ILDR2: variants seen among roughly 807,000 people sequenced by gnomAD.
ILDR2 encodes immunoglobulin like domain containing receptor 2, also known as immunoglobulin-like domain-containing receptor 2.
A neutral mutation model predicts 66.8 loss-of-function variants in ILDR2; 25 were observed. That is an observed-to-expected ratio of 0.37 (90% CI 0.27 to 0.52). The LOEUF (loss-of-function observed/expected upper bound fraction) is 0.52, where lower values mean the gene tolerates loss of function less well. ILDR2 is among the 20% of genes least tolerant of loss of function. ILDR2 has a pLI of 0.88. For synonymous variants in ILDR2, 367 were observed against 357.2 expected (o/e 1.03, Z -0.31); for missense variants, 827 against 876.8 (o/e 0.94, Z 0.72).
chr1:166,949,572 G>A (rs189799895), intron 3 of ILDR2, among the ~76,000 whole-genome samples: 1 of 152,330 alleles, frequency 6.6e-6, no homozygotes, highest in Non-Finnish European at 1.5e-5. Flanking sequence ...GCAAGGTTGA[G>A]ATTATGGAGT....
chr1:166,953,559 T>C (rs934269591), intron 3 of ILDR2, among the ~76,000 whole-genome samples: 11 of 152,212 alleles, frequency 7.2e-5, no homozygotes, highest in Non-Finnish European at 1.6e-4. Flanking sequence ...CCACCATCAA[T>C]AGTTTTTTTC....
intron 1 of ILDR2, among the ~76,000 whole-genome samples, chr1:166,965,584 T>TG (rs1455885326): frequency 2.0e-5 from 3 of 148,964 alleles, no homozygotes; most frequent in African/African-American, 7.5e-5. Flanking sequence ...TTTTTTTTGT[T>TG]TTTTTTTTGA....
chr1:166,909,767 ATAAATATATATATT>A lies in ILDR2; in HGVS notation c.*9574_*9587del, dbSNP rs1357158629. On this transcript the variant is annotated 3_prime_UTR_variant, in exon 10 of 10. Coordinates refer to ENST00000271417, the MANE Select transcript of ILDR2 (RefSeq NM_199351.3). Reference sequence around the variant, plus strand: ...TATATATATATATATATAAATATATATAAATATATATATTTATATATATATATATATATATATAT... The same window carrying A: ...TATATATATATATATATAAATATATATATATATATATATATATATATATAT... The A allele has an allele frequency of 1.6e-4, 11 of 68,622 alleles. No individual in the cohort carries two copies. The highest frequency in any genetic ancestry group is 8.2e-3 in the Middle Eastern group (1 of 122). The allele number at this position is 68,622 out of a possible 1,614,324, so 4.3% of individuals were successfully genotyped here. A position where few individuals can be genotyped will look rare whatever the true frequency, so the allele number is the denominator to read the frequency against.
Position 166,936,561 on chromosome 1 carries a change from C to A in ILDR2, c.703+30G>T. On this transcript the variant is annotated intron_variant, in intron 5 of 9. Coordinates refer to ENST00000271417, the MANE Select transcript of ILDR2 (RefSeq NM_199351.3). This position sits in a 1 kb window ranked among gnomAD's most constrained non-coding sequence, Gnocchi z 5.0. ...GAGAGGTAGACATTTCTCTCGATCG[C>A]TCTGTCTCCCCAGCGGTCACTGTAC... The A allele has an allele frequency of 6.2e-7, 1 of 1,613,984 alleles. No homozygotes were observed. The highest frequency in any genetic ancestry group is 1.1e-5 in the South Asian group (1 of 91,044).
intron 2 of ILDR2, among the ~76,000 whole-genome samples, chr1:166,897,004 T>C (rs1571253522): frequency 6.6e-6 from 1 of 152,216 alleles, no homozygotes; most frequent in African/African-American, 2.4e-5. Flanking sequence ...TACATTATGT[T>C]TCTATTGCAC....
intron 1 of ILDR2, among the ~76,000 whole-genome samples, chr1:166,974,615 A>G (rs1442767432): frequency 6.6e-6 from 1 of 152,138 alleles, no homozygotes; most frequent in East Asian, 1.9e-4. Flanking sequence ...CCACTCCCCA[A>G]ATGATACCAA....
At position 166,939,530 on chromosome 1, in the gene ILDR2, A is replaced by G. The variant is rs757282127; in HGVS notation, c.540T>C (p.Ala180=). 3.1e-6 allele frequency: 5 copies of G among 1,613,964 alleles called. No homozygotes were observed. In the South Asian group the frequency reaches 5.5e-5, roughly 18 times the overall value. ...ACCGAATACCTGGCATAATCTCCAC[A>G]GCAAAACTGGGCAAGAGATCAGCAA... ...GLLADLLPSF[A]VEIMPEWVFV... Residue 180 remains alanine, a synonymous_variant, in exon 4 of 10, where the codon GCT becomes GCC. Coordinates refer to ENST00000271417, the MANE Select transcript of ILDR2 (RefSeq NM_199351.3).
At chr1:166,935,214 AT>A (rs1249142726) in intron 6 of ILDR2, 86 bp downstream of exon 6, 26 of 1,296,554 alleles carry the variant, frequency 2.0e-5, no homozygotes, top group Non-Finnish European at 2.8e-5. Flanking sequence ...CCAAAGACAC[AT>A]CACTGAACTG....
intron 9 of ILDR2, among the ~76,000 whole-genome samples, chr1:166,920,139 C>T (rs775223123): frequency 1.3e-5 from 2 of 152,198 alleles, no homozygotes; most frequent in Non-Finnish European, 2.9e-5. Flanking sequence ...ATTTCCTTCA[C>T]ATATACGGGC....
At position 166,914,519 on chromosome 1, in the gene ILDR2, A is replaced by G. The variant is rs1659570131; in HGVS notation, c.*4836T>C. The G allele has an allele frequency of 6.6e-6, 1 of 152,264 alleles. No individual in the cohort carries two copies. The highest frequency in any genetic ancestry group is 1.5e-5 in the Non-Finnish European group (1 of 68,046). 9.4% of individuals were successfully genotyped at this position (152,264 alleles called of 1,614,324 possible). A position where few individuals can be genotyped will look rare whatever the true frequency, so the allele number is the denominator to read the frequency against. ...ACAACATCTGCCCTGCCTCTATCAC[A>G]GCAGTTGATGTTGGGATCAAATGAA... On this transcript the variant is annotated 3_prime_UTR_variant, in exon 10 of 10. Transcript: ENST00000271417.
At chr1:166,928,725 C>T (rs1328902254) in intron 6 of ILDR2, among the ~76,000 whole-genome samples, 3 of 152,186 alleles carry the variant, frequency 2.0e-5, no homozygotes, top group Non-Finnish European at 4.4e-5. Flanking sequence ...GTAGTCCAAG[C>T]ACTAAAAACA....
At chr1:166,947,501 C>A (rs1157786245) in intron 3 of ILDR2, among the ~76,000 whole-genome samples, 1 of 152,234 alleles carries the variant, frequency 6.6e-6, no homozygotes, top group Non-Finnish European at 1.5e-5. Context: ...GGAGGCACAG[C>A]CCCCGTGTGA....
In ILDR2 at chr1:166,963,257, G is replaced by A. The variant is rs187110802; in HGVS notation, c.47-5156C>T. ...CTATTTCTGCTACTAGAAAATAGCT[G>A]TAAAATGCTTACTGTGTGTCAGGGA... On this transcript the variant is annotated intron_variant, in intron 1 of 9. Coordinates refer to ENST00000271417, the MANE Select transcript of ILDR2 (RefSeq NM_199351.3). Among the ~76,000 whole-genome samples the A allele has an allele frequency of 3.3e-5, 5 of 152,292 alleles. No homozygotes were observed. The East Asian group carries it at 7.7e-4, about 23-fold the overall frequency.
At chr1:166,973,223 G>A (rs1315004866) in intron 1 of ILDR2, among the ~76,000 whole-genome samples, 1 of 152,124 alleles carries the variant, frequency 6.6e-6, no homozygotes, top group African/African-American at 2.4e-5. Flanking sequence ...CCAGGTGCAG[G>A]TGGCAGAAGG....
chr1:166,932,651 C>T (rs1222860735), intron 6 of ILDR2, among the ~76,000 whole-genome samples: 2 of 152,080 alleles, frequency 1.3e-5, no homozygotes, highest in African/African-American at 4.8e-5. Flanking sequence ...AAGTAGCTGC[C>T]TTGAAGAATG....
In ILDR2 at chr1:166,936,608, C is replaced by T; in HGVS notation, c.686G>A (p.Cys229Tyr). 6.2e-7 allele frequency: 1 copy of T among 1,614,086 alleles called. No individual in the cohort carries two copies. The change falls in exon 5 of 10, where the codon TGC (cysteine) becomes TAC (tyrosine). Residue 229 changes from cysteine (C) to tyrosine (Y), a missense_variant. Coordinates refer to ENST00000271417, the MANE Select transcript of ILDR2 (RefSeq NM_199351.3). The surrounding 1 kb of genome is among the most constrained non-coding windows in gnomAD (Gnocchi z 5.0). ...GTACTCACAGGCTTGAGGGCAGCAG[C>T]AGGAATCTGGGCAGCATGGGCAGCG... ...YVRCPCCPDS[C>Y]CCPQALYEAG...
In ILDR2 at chr1:166,911,379, G is replaced by T. The variant is rs1659469829; in HGVS notation, c.*7976C>A. On this transcript the variant is annotated 3_prime_UTR_variant, in exon 10 of 10. Coordinates refer to ENST00000271417, the MANE Select transcript of ILDR2 (RefSeq NM_199351.3). ...ATTCACTCTTCCTGGCTTCCCCAGGGTTGCTGTGTATATATAGAGTCATTA... is the reference window on the plus strand; with the variant it reads ...ATTCACTCTTCCTGGCTTCCCCAGGTTTGCTGTGTATATATAGAGTCATTA... 2.0e-5 allele frequency: 3 copies of T among 152,100 alleles called. No homozygotes were observed. The highest frequency in any genetic ancestry group is 2.9e-5 in the Non-Finnish European group (2 of 68,020). The allele number at this position is 152,100 out of a possible 1,614,324, so 9.4% of individuals were successfully genotyped here. A position where few individuals can be genotyped will look rare whatever the true frequency, so the allele number is the denominator to read the frequency against.
chr1:166,945,272 C>T (rs771227436), intron 3 of ILDR2, among the ~76,000 whole-genome samples: 4 of 152,148 alleles, frequency 2.6e-5, no homozygotes, highest in Non-Finnish European at 5.9e-5. Flanking sequence ...CCCTATCCCA[C>T]ACCAAAAAGT....
chr1:166,947,228 T>A (rs947376630), intron 3 of ILDR2, among the ~76,000 whole-genome samples: 8 of 152,172 alleles, frequency 5.3e-5, no homozygotes, highest in African/African-American at 1.9e-4. Flanking sequence ...GGAAAGTGAG[T>A]TTCTTGGAGC....
Sources: gnomAD v4.1 joint callset for allele counts (sites outside exome capture counted in the v4.1 genomes callset) on GRCh38, gnomAD v4.1.1 for gene constraint, Gnocchi (gnomAD v3.1) non-coding constraint, MANE v1.5 for transcripts, NCBI Gene and HGNC (gene_info 2026-07-23, HGNC 2026-07-21) for gene names.